The following MPHOSPH8 variants were observed in gnomAD, a reference collection of about 807,000 sequenced individuals.
MPHOSPH8 encodes M-phase phosphoprotein 8.
In MPHOSPH8, 45 loss-of-function variants were observed where a neutral mutation model predicts 87.3. The observed-to-expected ratio is 0.52, with a 90% CI of 0.41 to 0.66. MPHOSPH8 has a LOEUF of 0.66. Among genes scored for constraint, MPHOSPH8 ranks in the 30% least tolerant of loss-of-function variants. The pLI, the probability that MPHOSPH8 is intolerant of heterozygous loss-of-function variation, is 0.00. For synonymous variants in MPHOSPH8, 366 were observed against 376.9 expected (o/e 0.97, Z 0.33); for missense variants, 883 against 1,020.2 (o/e 0.87, Z 1.83).
At position 19,670,375 on chromosome 13, in the gene MPHOSPH8, T is replaced by G; in HGVS notation, c.2457+12T>G. On this transcript the variant is annotated intron_variant, in intron 12 of 13. Transcript: ENST00000361479. The stretch of plus-strand genomic sequence containing the variant: ...TTCCTGTTTTTCTGGTAAGATACTC[T>G]GTATTTCACTACTGAAAAGTACATT... 1 of 1,611,958 alleles carries G rather than the reference T, an allele frequency of 6.2e-7. No homozygotes were observed. The highest frequency in any genetic ancestry group is 8.5e-7 in the Non-Finnish European group (1 of 1,178,584).
chr13:19,655,447 A>G (rs1033424530), intron 5 of MPHOSPH8, among the ~76,000 whole-genome samples: 7 of 152,164 alleles, frequency 4.6e-5, no homozygotes, highest in Non-Finnish European at 8.8e-5. Flanking sequence ...CAGCCTGGGT[A>G]ACAGAGTGAG....
intron 1 of MPHOSPH8, among the ~76,000 whole-genome samples, chr13:19,641,189 C>G (rs1171266372): frequency 6.6e-6 from 1 of 152,182 alleles, no homozygotes; most frequent in Admixed American, 6.5e-5. Flanking sequence ...GGGTCTGGCT[C>G]TGTTACCCAG....
At chr13:19,671,128 C>A in intron 12 of MPHOSPH8, 78 bp from the exon 13 acceptor site, 2 of 1,545,412 alleles carry the variant, frequency 1.3e-6, no homozygotes, top group East Asian at 2.4e-5. Flanking sequence ...ATTTATGATT[C>A]TTTTACATCA....
intron 9 of MPHOSPH8, among the ~76,000 whole-genome samples, chr13:19,664,932 G>T (rs773835608): frequency 1.3e-5 from 2 of 152,126 alleles, no homozygotes; most frequent in Non-Finnish European, 2.9e-5. Context: ...AAGGGCCATA[G>T]ATGGAAAGAG....
At chr13:19,640,726 G>GA (rs1403134539) in intron 1 of MPHOSPH8, among the ~76,000 whole-genome samples, 1 of 151,884 alleles carries the variant, frequency 6.6e-6, no homozygotes, top group African/African-American at 2.4e-5. Context: ...TCCTTTCTGG[G>GA]AATTTATTCT....
At chr13:19,634,274 GTGATA>G (rs1873870285) in intron 1 of MPHOSPH8, among the ~76,000 whole-genome samples, 1 of 152,170 alleles carries the variant, frequency 6.6e-6, no homozygotes, top group Admixed American at 6.5e-5. Context: ...GCGCTTTGGC[GTGATA>G]TGATAGTGAA....
At chr13:19,653,316 C>T (rs1874963175) in intron 5 of MPHOSPH8, among the ~76,000 whole-genome samples, 1 of 152,178 alleles carries the variant, frequency 6.6e-6, no homozygotes, top group Admixed American at 6.5e-5. Context: ...TCCAGCAAAC[C>T]TGCAGCAGAG....
intron 5 of MPHOSPH8, among the ~76,000 whole-genome samples, chr13:19,656,385 A>G (rs7328604): frequency 0.83 from 126,571 of 152,014 alleles, 53,518 homozygotes; most frequent in East Asian, 0.97. Context: ...GTGACTGGAT[A>G]TAAGATCAGT....
intron 4 of MPHOSPH8, 127 bp from the exon 5 acceptor site, chr13:19,649,876 A>G: frequency 2.3e-6 from 2 of 853,392 alleles, no homozygotes; most frequent in South Asian, 3.8e-5. Flanking sequence ...CAGGCTTTAT[A>G]AGCAAGGTAG....
At chr13:19,649,607 TTGCC>T (rs1874738928) in intron 4 of MPHOSPH8, among the ~76,000 whole-genome samples, 1 of 152,206 alleles carries the variant, frequency 6.6e-6, no homozygotes, top group Admixed American at 6.5e-5. Flanking sequence ...TTTCCCTCAC[TTGCC>T]ACCAGAAGCC....
rs546547907 is a variant in MPHOSPH8, at chr13:19,670,733, G to A, written c.2457+370G>A. 9 of 1,179,854 alleles carry A rather than the reference G, an allele frequency of 7.6e-6. No individual in the cohort carries two copies. The East Asian group carries it at 3.0e-4, about 40-fold the overall frequency. 73.1% of individuals were successfully genotyped at this position (1,179,854 alleles called of 1,614,324 possible). On this transcript the variant is annotated intron_variant, in intron 12 of 13. Transcript: ENST00000361479. ...ATATAGACATTTTAACACTTGTACT[G>A]TATATTGCTGGGGGCATTCTAATCC...
chr13:19,670,489 T>C (rs112384370), intron 12 of MPHOSPH8, 126 bp downstream of exon 12: 17 of 1,159,494 alleles, frequency 1.5e-5, no homozygotes, highest in Admixed American at 8.3e-5. Context: ...GTAATAGTGG[T>C]TGGGAATGAG....
chr13:19,643,570 G>A (rs1428739816), intron 2 of MPHOSPH8, among the ~76,000 whole-genome samples: 1 of 152,038 alleles, frequency 6.6e-6, no homozygotes, highest in Non-Finnish European at 1.5e-5. Flanking sequence ...TTTAAAGATG[G>A]TACCATATAC....
At chr13:19,659,657 C>T (rs1246236794) in intron 7 of MPHOSPH8, 4 of 421,916 alleles carry the variant, frequency 9.5e-6, no homozygotes, top group African/African-American at 2.1e-5. Context: ...GAGCAAGACT[C>T]CCATCTCAAA....
intron 2 of MPHOSPH8, 49 bp downstream of exon 2, chr13:19,642,319 A>G (rs762278182): frequency 7.1e-7 from 1 of 1,418,330 alleles, no homozygotes; most frequent in Non-Finnish European, 9.5e-7. Context: ...AATTTATTGT[A>G]AATTTTAACT....
chr13:19,666,448 C>T lies in MPHOSPH8; in HGVS notation c.2043C>T (p.Asp681=), dbSNP rs1196101666. The T allele has an allele frequency of 5.0e-6, 8 of 1,609,078 alleles. No homozygotes were observed. The South Asian group carries it at 6.6e-5, about 13-fold the overall frequency. The change falls in exon 10 of 14, where the codon GAC becomes GAT. Residue 681 remains aspartate, a synonymous_variant. Transcript: ENST00000361479. ...AGGCCTGTAAAAGAGGAAATTCAGACATCGTACGACTCGTAATTGAATGTG... is the reference window on the plus strand; with the variant it reads ...AGGCCTGTAAAAGAGGAAATTCAGATATCGTACGACTCGTAATTGAATGTG... The part of the protein sequence containing the change: ...LMKACKRGNS[D]IVRLVIECGA...
chr13:19,650,762 TAATA>T (rs58777841), intron 5 of MPHOSPH8, among the ~76,000 whole-genome samples: 95,893 of 151,652 alleles, frequency 0.63, 33,871 homozygotes, highest in East Asian at 0.89. Flanking sequence ...AACTAGGACC[TAATA>T]AATCAGAGAG....
Position 19,661,722 on chromosome 13 carries a change from A to G in MPHOSPH8, c.1816A>G (p.Met606Val). The change falls in exon 8 of 14, where the codon ATG becomes GTG. Residue 606 changes from methionine to valine, a missense_variant. This residue lies in a region of MPHOSPH8 where 741 missense variants were observed against 841.5 expected (regional missense o/e 0.88). Transcript: ENST00000361479. ...QEDSSGMTLV[M>V]LAAAGGQDDL... ...GGATTCCAGTGGAATGACACTGGTG[A>G]TGCTTGCCGCCGCCGGAGGGCAGGA... The G allele has an allele frequency of 6.2e-7, 1 of 1,609,762 alleles. No homozygotes were observed. The highest frequency in any genetic ancestry group is 8.5e-7 in the Non-Finnish European group (1 of 1,177,034).
At chr13:19,660,453 C>T (rs1875464830) in intron 7 of MPHOSPH8, among the ~76,000 whole-genome samples, 2 of 151,928 alleles carry the variant, frequency 1.3e-5, no homozygotes, top group African/African-American at 4.8e-5. Context: ...AGTTTTTTAG[C>T]TTAGCTGTGG....
Sources: gnomAD v4.1 joint callset for allele counts (sites outside exome capture counted in the v4.1 genomes callset) on GRCh38, gnomAD v4.1.1 for gene constraint, gnomAD v4.1.1 regional missense constraint, MANE v1.5 for transcripts, NCBI Gene and HGNC (gene_info 2026-07-23, HGNC 2026-07-21) for gene names.